The following SLC6A7 variants were observed in gnomAD, a reference collection of about 807,000 sequenced individuals.
SLC6A7 encodes solute carrier family 6 member 7, also known as sodium-dependent proline transporter.
A neutral mutation model predicts 73.1 loss-of-function variants in SLC6A7; 58 were observed. The observed-to-expected ratio is 0.79, with a 90% CI of 0.64 to 0.99. The LOEUF (loss-of-function observed/expected upper bound fraction) is 0.99. SLC6A7 is among the 50% of genes least tolerant of loss of function. The probability of loss-of-function intolerance (pLI) is 0.00; values close to 1 mark genes in which losing one functional copy is unlikely to be tolerated. For synonymous variants in SLC6A7, 338 were observed against 338.7 expected (o/e 1.00, Z 0.02); for missense variants, 783 against 831.4 (o/e 0.94, Z 0.72).
intron 13 of SLC6A7, 97 bp from the exon 14 acceptor site, chr5:150,209,309 T>G: frequency 1.0e-6 from 1 of 1,002,536 alleles, no homozygotes; most frequent in Non-Finnish European, 1.6e-6. Flanking sequence ...ACTCCCCCAG[T>G]GATGTGGTCA....
intron 13 of SLC6A7, among the ~76,000 whole-genome samples, chr5:150,207,737 A>T (rs1753769327): frequency 6.6e-6 from 1 of 152,224 alleles, no homozygotes. Context: ...TAATACTCAG[A>T]TAATATCAGT....
At chr5:150,199,970 C>T (rs1011687211) in intron 5 of SLC6A7, among the ~76,000 whole-genome samples, 2 of 152,140 alleles carry the variant, frequency 1.3e-5, no homozygotes, top group Admixed American at 6.5e-5. Flanking sequence ...ATTGGATGAG[C>T]AGGGCTGTGC....
intron 5 of SLC6A7, among the ~76,000 whole-genome samples, chr5:150,200,724 C>T (rs1022030736): frequency 1.3e-5 from 2 of 152,066 alleles, no homozygotes; most frequent in African/African-American, 2.4e-5. Flanking sequence ...TTTGCTGAAG[C>T]GGTGGCTGGA....
chr5:150,197,317 G>A (rs1753086467), intron 4 of SLC6A7, 41 bp downstream of exon 4: 1 of 1,376,116 alleles, frequency 7.3e-7, no homozygotes, highest in Non-Finnish European at 1.0e-6. Flanking sequence ...AGGGGACCCT[G>A]CACTGCTGAG....
chr5:150,207,648 G>A (rs1410378843), intron 13 of SLC6A7, among the ~76,000 whole-genome samples: 1 of 152,214 alleles, frequency 6.6e-6, no homozygotes, highest in Non-Finnish European at 1.5e-5. Context: ...TCAGGATGGA[G>A]TCAGGACGGG....
Position 150,203,759 on chromosome 5 carries a change from ACT to A in SLC6A7, c.1184_1185del (p.Leu395ArgfsTer4). 6.3e-7 allele frequency: 1 copy of A among 1,597,310 alleles called. No individual in the cohort carries two copies. The highest frequency in any genetic ancestry group is 8.5e-7 in the Non-Finnish European group (1 of 1,171,696). On this transcript the variant is annotated frameshift_variant, in exon 9 of 14. Coordinates refer to ENST00000230671, the MANE Select transcript of SLC6A7 (RefSeq NM_014228.5). LOFTEE classifies it high-confidence loss of function. The stretch of plus-strand genomic sequence containing the variant: ...CTTTCTCTTCTTCTTCATGCTTCTG[ACT>A]CTCGGCCTAGATAGCCAGGTGAGTC... ...WSFLFFFMLL[T>X]LGLDSQFAFL...
Position 150,196,766 on chromosome 5 carries a change from C to G in SLC6A7, c.268C>G (p.Leu90Val), listed in dbSNP as rs750296750. 1.9e-6 allele frequency: 3 copies of G among 1,613,996 alleles called. No homozygotes were observed. In the African/African-American group the frequency reaches 4.0e-5, roughly 22 times the overall value. The change falls in exon 3 of 14, where the codon CTC becomes GTC. Residue 90 changes from leucine (L) to valine (V), a missense_variant. Transcript: ENST00000230671. ...CATGCTGGCCATCTGTGGCATCCCC[C>G]TCTTCTTCCTGGAGCTCTCCCTGGG... ...FLMLAICGIP[L>V]FFLELSLGQF...
intron 13 of SLC6A7, among the ~76,000 whole-genome samples, chr5:150,206,398 G>T (rs1753701798): frequency 6.6e-6 from 1 of 152,220 alleles, no homozygotes; most frequent in Non-Finnish European, 1.5e-5. Flanking sequence ...TCAGGAATGT[G>T]TGAGCTAGGT....
In SLC6A7 at chr5:150,203,686, C is replaced by T. The variant is rs926216410; in HGVS notation, c.1107C>T (p.Val369=). The T allele has an allele frequency of 9.9e-6, 16 of 1,609,228 alleles. No individual in the cohort carries two copies. The highest frequency in any genetic ancestry group is 5.3e-5 in the African/African-American group (4 of 74,782). Residue 369 remains valine (V), a synonymous_variant, in exon 9 of 14, where the codon GTC becomes GTT. Transcript: ENST00000230671. ...GCCCAGGCCCTGGCCTGGCCTTTGT[C>T]GTCTACCCACAGGCCATGACCATGC... ...VAKAGPGLAF[V]VYPQAMTMLP... is the part of the protein sequence containing the mutation.
intron 13 of SLC6A7, 46 bp downstream of exon 13, chr5:150,205,669 C>A: frequency 1.3e-6 from 2 of 1,520,970 alleles, no homozygotes; most frequent in Admixed American, 1.8e-5. Flanking sequence ...TGACCTGTGG[C>A]CTGACCCTAG....
chr5:150,198,781 A>G (rs919306070), intron 4 of SLC6A7, among the ~76,000 whole-genome samples: 5 of 150,950 alleles, frequency 3.3e-5, no homozygotes, highest in African/African-American at 1.2e-4. Flanking sequence ...GGGGCTACCT[A>G]AAGAACACAG....
At chr5:150,200,164 T>C (rs1374430602) in intron 5 of SLC6A7, among the ~76,000 whole-genome samples, 2 of 151,766 alleles carry the variant, frequency 1.3e-5, no homozygotes, top group Admixed American at 1.3e-4. Context: ...CTACTTTAGG[T>C]GATGAAGGGG....
At chr5:150,202,768 G>C in intron 8 of SLC6A7, 65 bp downstream of exon 8, 1 of 1,557,066 alleles carries the variant, frequency 6.4e-7, no homozygotes, top group Non-Finnish European at 8.8e-7. Context: ...GGCTGGGCCA[G>C]TGGACCAGCA....
chr5:150,202,646 G>C lies in SLC6A7; in HGVS notation c.1030G>C (p.Val344Leu). The C allele has an allele frequency of 1.2e-6, 2 of 1,614,200 alleles. No individual in the cohort carries two copies. Among genetic ancestry groups the C allele is most frequent in the Non-Finnish European group, 8.5e-7 (1 of 1,180,022 alleles). ...CCTGGCTGGCTTTGCCATCTTCTCC[G>C]TGCTGGGCTACATGTCTCAGGAGCT... ...SILAGFAIFS[V>L]LGYMSQELGV... The change falls in exon 8 of 14, where the codon GTG (valine) becomes CTG (leucine). Residue 344 changes from valine (V) to leucine (L), a missense_variant. Coordinates refer to ENST00000230671, the MANE Select transcript of SLC6A7 (RefSeq NM_014228.5).
rs1286460863 is a variant in SLC6A7, at chr5:150,210,964, C to G, written c.*1349C>G. The G allele has an allele frequency of 6.6e-6, 1 of 152,622 alleles. No individual in the cohort carries two copies. The highest frequency in any genetic ancestry group is 1.5e-5 in the Non-Finnish European group (1 of 68,256). The allele number at this position is 152,622 out of a possible 1,614,324, so 9.5% of individuals were successfully genotyped here. ...CGTGGGGCAGGGTTCCCTCATGCAA[C>G]AGGCCTCCCTGTGGCCAGCCTCTCT... On this transcript the variant is annotated 3_prime_UTR_variant, in exon 14 of 14. Transcript: ENST00000230671.
Position 150,204,573 on chromosome 5 carries a change from C to T in SLC6A7, c.1374C>T (p.Ala458=). The T allele has an allele frequency of 6.2e-7, 1 of 1,614,168 alleles. No individual in the cohort carries two copies. The highest frequency in any genetic ancestry group is 8.5e-7 in the Non-Finnish European group (1 of 1,179,978). The change falls in exon 11 of 14, where the codon GCC becomes GCT. Residue 458 remains alanine (A), a synonymous_variant. Coordinates refer to ENST00000230671, the MANE Select transcript of SLC6A7 (RefSeq NM_014228.5). ...TGGTCCTTCTGGATGACTACAGCGC[C>T]AGCTTCGGGCTGATGGTGGTGGTTA... The part of the protein sequence containing the change: ...YWLVLLDDYS[A]SFGLMVVVIT...
rs960870506 is a variant in SLC6A7 at position 150,201,206 on chromosome 5, C to A, written c.841C>A (p.His281Asn). The change falls in exon 6 of 14, where the codon CAC becomes AAC. Residue 281 changes from histidine (H) to asparagine (N), a missense_variant. Physicochemically the swap from His to Asn is moderately conservative, Grantham distance 68 (BLOSUM62 1). Transcript: ENST00000230671. ...GTTCTATCTCACCCCCCAGTTCCAC[C>A]ACTTGTTGTCTTCCAAGGTGAGCCC... ...IQFYLTPQFH[H>N]LLSSKVWIEA... 6.8e-6 allele frequency: 11 copies of A among 1,611,896 alleles called. No homozygotes were observed. In the South Asian group the frequency reaches 8.8e-5, roughly 13 times the overall value.
chr5:150,201,262 G>A, intron 6 of SLC6A7, 39 bp downstream of exon 6: 1 of 1,554,842 alleles, frequency 6.4e-7, no homozygotes. Context: ...GAGGGGCCAG[G>A]CCTGAGCTGG....
intron 13 of SLC6A7, among the ~76,000 whole-genome samples, chr5:150,206,074 T>A (rs1246159297): frequency 6.6e-6 from 1 of 152,108 alleles, no homozygotes; most frequent in Non-Finnish European, 1.5e-5. Context: ...GCCTAGGGTT[T>A]TGGGGAGGGA....
Sources: gnomAD v4.1 joint callset for allele counts (sites outside exome capture counted in the v4.1 genomes callset) on GRCh38, gnomAD v4.1.1 for gene constraint, MANE v1.5 for transcripts, NCBI Gene and HGNC (gene_info 2026-07-23, HGNC 2026-07-21) for gene names.